The following CNTN5 variants were observed in gnomAD, a reference collection of about 807,000 sequenced individuals.
CNTN5 encodes the protein contactin 5.
A neutral mutation model predicts 129.1 loss-of-function variants in CNTN5; 77 were observed. That is an observed-to-expected ratio of 0.60 (90% CI 0.50 to 0.72). CNTN5 has a LOEUF of 0.72. CNTN5 is among the 30% of genes least tolerant of loss of function. The pLI is 0.00. For synonymous variants in CNTN5, 509 were observed against 465.6 expected (o/e 1.09, Z -1.20); for missense variants, 1,478 against 1,328.8 (o/e 1.11, Z -1.75).
intron 9 of CNTN5, among the ~76,000 whole-genome samples, chr11:100,007,562 G>T (rs11222324): frequency 0.058 from 8,768 of 152,076 alleles, 289 homozygotes; most frequent in Non-Finnish European, 0.077. Flanking sequence ...ACCAGCCTCT[G>T]CTAGGTTCAA....
chr11:99,311,715 G>A (rs1363797394), intron 1 of CNTN5, among the ~76,000 whole-genome samples: 2 of 152,088 alleles, frequency 1.3e-5, no homozygotes, highest in Admixed American at 1.3e-4. Flanking sequence ...AATCAATAGT[G>A]TTAGTATTTT....
chr11:99,228,608 AT>A (rs1221250163), intron 1 of CNTN5, among the ~76,000 whole-genome samples: 2 of 152,084 alleles, frequency 1.3e-5, no homozygotes, highest in African/African-American at 2.4e-5. Flanking sequence ...AAATGTATAA[AT>A]ATCATGTGTC....
intron 3 of CNTN5, among the ~76,000 whole-genome samples, chr11:99,608,227 C>G (rs1950488436): frequency 6.6e-6 from 1 of 152,012 alleles, no homozygotes; most frequent in South Asian, 2.1e-4. Context: ...TATGTGTTGT[C>G]CCATCTATGC....
At chr11:100,000,025 G>A (rs978223771) in intron 8 of CNTN5, among the ~76,000 whole-genome samples, 8 of 140,586 alleles carry the variant, frequency 5.7e-5, no homozygotes, top group Non-Finnish European at 1.1e-4. Flanking sequence ...GGGGAGCGGG[G>A]AGGGATAACA....
chr11:99,434,382 G>T (rs1943520664), intron 2 of CNTN5, among the ~76,000 whole-genome samples: 1 of 152,154 alleles, frequency 6.6e-6, no homozygotes, highest in East Asian at 1.9e-4. Flanking sequence ...TGACTGACTT[G>T]AGATTCGGAG....
At chr11:99,377,520 A>G (rs1378247949) in intron 2 of CNTN5, among the ~76,000 whole-genome samples, 1 of 152,040 alleles carries the variant, frequency 6.6e-6, no homozygotes, top group African/African-American at 2.4e-5. Context: ...TCTTAATTGT[A>G]ACTTTTTCTA....
intron 1 of CNTN5, among the ~76,000 whole-genome samples, chr11:99,063,925 T>C (rs558463070): frequency 6.6e-6 from 1 of 152,128 alleles, no homozygotes; most frequent in East Asian, 1.9e-4. Flanking sequence ...AGTGTGCAGT[T>C]TTTACCTATT....
At chr11:99,165,905 A>C (rs1860843917) in intron 1 of CNTN5, among the ~76,000 whole-genome samples, 1 of 152,184 alleles carries the variant, frequency 6.6e-6, no homozygotes, top group Non-Finnish European at 1.5e-5. Flanking sequence ...CCGTCATCTG[A>C]GGTGGGATGA....
At chr11:100,086,007 T>G (rs1944538838) in intron 13 of CNTN5, among the ~76,000 whole-genome samples, 1 of 151,972 alleles carries the variant, frequency 6.6e-6, no homozygotes, top group South Asian at 2.1e-4. Context: ...AGGACACTTT[T>G]GGGAAAGTAA....
At chr11:100,273,506 G>A (rs1950445477) in intron 18 of CNTN5, among the ~76,000 whole-genome samples, 1 of 152,158 alleles carries the variant, frequency 6.6e-6, no homozygotes, top group Admixed American at 6.5e-5. Context: ...CTTTAAGAAT[G>A]CGCAGATGAC....
intron 12 of CNTN5, among the ~76,000 whole-genome samples, chr11:100,073,856 A>G (rs1333522355): frequency 2.6e-5 from 4 of 152,140 alleles, no homozygotes; most frequent in African/African-American, 9.7e-5. Context: ...AAGGTCATTC[A>G]CTAGTCTTTC....
At chr11:99,388,281 G>A (rs111532792) in intron 2 of CNTN5, among the ~76,000 whole-genome samples, 18,606 of 151,744 alleles carry the variant, frequency 0.12, 1,235 homozygotes, top group Non-Finnish European at 0.16. Context: ...CGAGCATGGT[G>A]GCACACACCT....
At chr11:99,221,218 T>C (rs1860382462) in intron 1 of CNTN5, among the ~76,000 whole-genome samples, 1 of 151,950 alleles carries the variant, frequency 6.6e-6, no homozygotes, top group African/African-American at 2.4e-5. Flanking sequence ...TCACTCTATA[T>C]TTTTTAATAA....
chr11:99,900,051 T>C (rs553903851), intron 6 of CNTN5, among the ~76,000 whole-genome samples: 32 of 152,208 alleles, frequency 2.1e-4, no homozygotes, highest in African/African-American at 7.2e-4. Context: ...CTGTATCGGT[T>C]GTGATGTCAT....
intron 13 of CNTN5, among the ~76,000 whole-genome samples, chr11:100,103,879 C>A (rs1020674574): frequency 2.6e-5 from 4 of 152,032 alleles, no homozygotes; most frequent in East Asian, 3.9e-4. Flanking sequence ...GCCAACATAC[C>A]CACAACAGTT....
intron 2 of CNTN5, among the ~76,000 whole-genome samples, chr11:99,414,063 C>A (rs1942525718): frequency 6.6e-6 from 1 of 152,130 alleles, no homozygotes; most frequent in African/African-American, 2.4e-5. Flanking sequence ...CTTCAGTGAT[C>A]CCAAGTTGTC....
At chr11:99,745,728 A>AC (rs1555096258) in intron 3 of CNTN5, among the ~76,000 whole-genome samples, 4 of 149,646 alleles carry the variant, frequency 2.7e-5, no homozygotes, top group African/African-American at 7.3e-5. Flanking sequence ...ACCTGAAGAC[A>AC]TTTTTTTTTT....
chr11:99,647,303 T>TC (rs1201353838), intron 3 of CNTN5, among the ~76,000 whole-genome samples: 1 of 152,072 alleles, frequency 6.6e-6, no homozygotes, highest in Non-Finnish European at 1.5e-5. Context: ...GACTGTACTT[T>TC]CCCCCGTGAA....
At chr11:99,828,718 C>G (rs1424861789) in intron 4 of CNTN5, among the ~76,000 whole-genome samples, 3 of 151,960 alleles carry the variant, frequency 2.0e-5, no homozygotes, top group Admixed American at 2.0e-4. Flanking sequence ...ACTGAAAGAA[C>G]CTTTCATATA....
Sources: gnomAD v4.1 joint callset for allele counts (sites outside exome capture counted in the v4.1 genomes callset) on GRCh38, gnomAD v4.1.1 for gene constraint, MANE v1.5 for transcripts, NCBI Gene and HGNC (gene_info 2026-07-23, HGNC 2026-07-21) for gene names.